ELL2: variants seen among roughly 807,000 people sequenced by gnomAD.
ELL2 encodes elongation factor for RNA polymerase II 2.
Under a neutral mutation model 72.8 loss-of-function variants are expected in ELL2, and 21 were observed. That is an observed-to-expected ratio of 0.29 (90% CI 0.20 to 0.42). ELL2 has a LOEUF of 0.42. ELL2 is among the 10% of genes least tolerant of loss of function. ELL2 has a pLI of 1.00. For missense variants in ELL2, 568 were observed against 772.8 expected, an observed-to-expected ratio of 0.73 and a Z score of 3.14; for synonymous variants, 266 against 283.2, an observed-to-expected ratio of 0.94 and a Z score of 0.61.
At chr5:95,930,752 G>C (rs989764649) in intron 2 of ELL2, among the ~76,000 whole-genome samples, 5 of 152,178 alleles carry the variant, frequency 3.3e-5, no homozygotes, top group Non-Finnish European at 7.3e-5. Flanking sequence ...CCTCCCTGGG[G>C]ACCAAAGGCA....
In ELL2 at chr5:95,954,143, A is replaced by C. The variant is rs1751527585; in HGVS notation, c.147+7432T>G. On this transcript the variant is annotated intron_variant, in intron 1 of 11. Coordinates refer to ENST00000237853, the MANE Select transcript of ELL2 (RefSeq NM_012081.6). ...ATGTTAAGTAATACAGCACTGTTTT[A>C]TATATCTGTCTGCCTCAAACTCCTG... 5.3e-5 allele frequency among the ~76,000 whole-genome samples: 8 copies of C among 152,334 alleles called. No individual in the cohort carries two copies. The South Asian group carries it at 1.7e-3, about 32-fold the overall frequency.
chr5:95,891,166 A>T lies in ELL2; in HGVS notation c.1698T>A (p.Ala566=). The T allele has an allele frequency of 6.2e-7, 1 of 1,614,206 alleles. No individual in the cohort carries two copies. Among genetic ancestry groups the T allele is most frequent in the Non-Finnish European group, 8.5e-7 (1 of 1,180,040 alleles). The stretch of plus-strand genomic sequence containing the variant: ...GTGCATCTAGTTTGATAAATCTTCT[A>T]GCTACAGTCTCCATCCTGGCATGCA... ...RALHARMETV[A]RRFIKLDAQR... is the part of the protein sequence containing the mutation. The change falls in exon 10 of 12, where the codon GCT becomes GCA. Residue 566 remains alanine (A), a synonymous_variant. Transcript: ENST00000237853.
At chr5:95,922,008 T>C (rs1045057848) in intron 2 of ELL2, among the ~76,000 whole-genome samples, 3 of 152,210 alleles carry the variant, frequency 2.0e-5, no homozygotes, top group Non-Finnish European at 4.4e-5. Flanking sequence ...TTTGGGAATA[T>C]AGCAGTACTT....
chr5:95,898,158 G>T, intron 8 of ELL2, 82 bp downstream of exon 8: 2 of 1,116,120 alleles, frequency 1.8e-6, no homozygotes, highest in Non-Finnish European at 2.5e-6. Flanking sequence ...AACGTCATTT[G>T]CTAAAGAAAT....
intron 3 of ELL2, among the ~76,000 whole-genome samples, chr5:95,918,853 G>A (rs1749933361): frequency 6.6e-6 from 1 of 150,702 alleles, no homozygotes; most frequent in South Asian, 2.1e-4. Flanking sequence ...GGGTGTGGGT[G>A]TGTATATTCT....
chr5:95,925,302 A>G (rs1750243569), intron 2 of ELL2, among the ~76,000 whole-genome samples: 1 of 152,196 alleles, frequency 6.6e-6, no homozygotes, highest in Non-Finnish European at 1.5e-5. Context: ...GGCCAAGATC[A>G]TCTATAATTT....
chr5:95,890,989 G>T, intron 10 of ELL2, 114 bp downstream of exon 10: 2 of 1,160,422 alleles, frequency 1.7e-6, no homozygotes, highest in Non-Finnish European at 1.3e-6. Flanking sequence ...CAGCGAGGCT[G>T]GTCTGCAAGA....
In ELL2 at chr5:95,927,387, G is replaced by GTA. The variant is rs768690663; in HGVS notation, c.196-7844_196-7843dup. Among the ~76,000 whole-genome samples the GTA allele has an allele frequency of 3.7e-4, 21 of 56,956 alleles. 2 individuals are homozygous for GTA. Among genetic ancestry groups the GTA allele is most frequent in the Non-Finnish European group, 4.6e-4 (15 of 32,732 alleles). 37.4% of individuals were successfully genotyped at this position (56,956 alleles called of 152,430 possible). A position where few individuals can be genotyped will look rare whatever the true frequency, so the allele number is the denominator to read the frequency against. On this transcript the variant is annotated intron_variant, in intron 2 of 11. Transcript: ENST00000237853. Reference sequence around the variant, plus strand: ...TATAGACATACACACACACACGTGTGTATATATAGACATACACACACGTGT... The same window carrying GTA: ...TATAGACATACACACACACACGTGTGTATATATATAGACATACACACACGTGT...
At chr5:95,928,788 C>T (rs1750487023) in intron 2 of ELL2, among the ~76,000 whole-genome samples, 1 of 152,160 alleles carries the variant, frequency 6.6e-6, no homozygotes, top group Non-Finnish European at 1.5e-5. Flanking sequence ...AACAACTATT[C>T]TTACAAAATG....
At chr5:95,896,181 TAGAA>T (rs1176131944) in intron 8 of ELL2, among the ~76,000 whole-genome samples, 3 of 152,232 alleles carry the variant, frequency 2.0e-5, no homozygotes, top group Non-Finnish European at 4.4e-5. Flanking sequence ...TGGAATTTGG[TAGAA>T]AGTTTTCCCA....
At chr5:95,927,400 T>TACACACACACGTGTATATAGACATAC (rs147145672) in intron 2 of ELL2, among the ~76,000 whole-genome samples, 3 of 29,462 alleles carry the variant, frequency 1.0e-4, no homozygotes, top group Admixed American at 2.7e-4. Flanking sequence ...TATATAGACA[T>TACACACACACGTGTATATAGACATAC]ACACACACGT....
chr5:95,939,183 C>T (rs1434878856), intron 2 of ELL2, among the ~76,000 whole-genome samples: 1 of 152,200 alleles, frequency 6.6e-6, no homozygotes. Flanking sequence ...GTTTAAAAGG[C>T]TATTTCATAC....
At chr5:95,918,565 C>T (rs1320191878) in intron 3 of ELL2, among the ~76,000 whole-genome samples, 1 of 152,208 alleles carries the variant, frequency 6.6e-6, no homozygotes, top group Non-Finnish European at 1.5e-5. Context: ...TTTGCTTCTT[C>T]TTTTCCCCCA....
intron 4 of ELL2, among the ~76,000 whole-genome samples, chr5:95,910,972 GAAT>G (rs1277221560): frequency 6.6e-6 from 1 of 152,068 alleles, no homozygotes; most frequent in Non-Finnish European, 1.5e-5. Flanking sequence ...AATACAGAGA[GAAT>G]AATAACATTC....
rs960008717 is a variant in ELL2, at chr5:95,898,355, C to A, written c.1410G>T (p.Lys470Asn). 6.2e-7 allele frequency: 1 copy of A among 1,613,418 alleles called. No individual in the cohort carries two copies. Among genetic ancestry groups the A allele is most frequent in the Non-Finnish European group, 8.5e-7 (1 of 1,179,846 alleles). ...KKSKKKSKKH[K>N]EKDQIKKHDI... ...CGTGCTTTTTTATTTGGTCCTTTTC[C>A]TTATGTTTTTTAGACTTCTTTTTGG... Residue 470 changes from lysine to asparagine, a missense_variant, in exon 8 of 12, where the codon AAG becomes AAT. Around this residue, in one of 2 missense-constraint regions of ELL2, gnomAD observed 511 missense variants for 728.4 expected, o/e 0.70. Transcript: ENST00000237853.
intron 3 of ELL2, among the ~76,000 whole-genome samples, chr5:95,916,948 C>T (rs1749833323): frequency 6.6e-6 from 1 of 152,142 alleles, no homozygotes; most frequent in Admixed American, 6.6e-5. Flanking sequence ...CATACTGCCC[C>T]TCATGCGAAG....
chr5:95,940,242 CTG>C (rs1210106248), intron 2 of ELL2, among the ~76,000 whole-genome samples: 1 of 152,204 alleles, frequency 6.6e-6, no homozygotes, highest in Non-Finnish European at 1.5e-5. Context: ...TGCTGCCCAA[CTG>C]TGATAATAAA....
intron 1 of ELL2, among the ~76,000 whole-genome samples, chr5:95,959,397 C>T (rs1751731576): frequency 6.6e-6 from 1 of 152,192 alleles, no homozygotes; most frequent in African/African-American, 2.4e-5. Context: ...TGGGTTTTCT[C>T]TTCACATCCC....
chr5:95,920,827 C>T (rs932433387), intron 2 of ELL2, among the ~76,000 whole-genome samples: 2 of 152,150 alleles, frequency 1.3e-5, no homozygotes, highest in Admixed American at 6.5e-5. Context: ...AACATACAGT[C>T]TTAGTAATTT....
Sources: allele counts gnomAD v4.1 joint callset (sites outside exome capture counted in the v4.1 genomes callset), GRCh38; gene constraint gnomAD v4.1.1; regional missense constraint gnomAD v4.1.1; transcripts MANE v1.5; gene names NCBI Gene and HGNC (gene_info 2026-07-23, HGNC 2026-07-21).